MAGI2: variants seen among roughly 807,000 people sequenced by gnomAD.
The protein encoded by MAGI2 is membrane associated guanylate kinase, WW and PDZ domain containing 2.
Under a neutral mutation model 133.3 loss-of-function variants are expected in MAGI2, and 35 were observed. That is an observed-to-expected ratio of 0.26 (90% CI 0.20 to 0.35). The LOEUF (loss-of-function observed/expected upper bound fraction) is 0.35, where lower values mean the gene tolerates loss of function less well. Ranked by LOEUF, MAGI2 falls within the 10% of genes least tolerant of loss-of-function variation. The pLI is 1.00. For synonymous variants in MAGI2, 729 were observed against 710.6 expected (o/e 1.03, Z -0.41); for missense variants, 1,636 against 1,863.4 (o/e 0.88, Z 2.25).
chr7:78,050,315 C>G (rs1241389320), intron 21 of MAGI2, among the ~76,000 whole-genome samples: 2 of 152,162 alleles, frequency 1.3e-5, no homozygotes, highest in Non-Finnish European at 2.9e-5. Context: ...TGGTTTTAGG[C>G]CAATGTGATT....
chr7:78,765,343 C>CTTTTTTTTTTTT (rs10672746), intron 2 of MAGI2, among the ~76,000 whole-genome samples: 4 of 89,054 alleles, frequency 4.5e-5, no homozygotes, highest in Non-Finnish European at 5.9e-5. Context: ...TAGTGCACAT[C>CTTTTTTTTTTTT]TTTTTTTTTT....
chr7:78,080,307 T>C (rs768660708), intron 20 of MAGI2, among the ~76,000 whole-genome samples: 37 of 152,246 alleles, frequency 2.4e-4, no homozygotes, highest in Admixed American at 1.2e-3. Flanking sequence ...TTTAGAAGTA[T>C]GGATTTGGGG....
intron 15 of MAGI2, among the ~76,000 whole-genome samples, chr7:78,162,448 C>T (rs1008030901): frequency 1.3e-5 from 2 of 151,046 alleles, no homozygotes; most frequent in Admixed American, 1.3e-4. Flanking sequence ...TTGCGTGAAC[C>T]CGGGAGGCAG....
At chr7:78,970,857 A>C (rs1423756196) in intron 2 of MAGI2, among the ~76,000 whole-genome samples, 1 of 152,082 alleles carries the variant, frequency 6.6e-6, no homozygotes, top group Non-Finnish European at 1.5e-5. Context: ...GAGCCCAGAA[A>C]TCAGTCAAGC....
At chr7:79,007,065 T>C (rs375998138) in intron 2 of MAGI2, 25 bp downstream of exon 2, 3 of 1,450,996 alleles carry the variant, frequency 2.1e-6, no homozygotes, top group Non-Finnish European at 1.9e-6. Context: ...AACATAAAAA[T>C]ATTAATACTG....
At chr7:78,102,951 T>C (rs889684017) in intron 20 of MAGI2, among the ~76,000 whole-genome samples, 1 of 152,186 alleles carries the variant, frequency 6.6e-6, no homozygotes, top group Non-Finnish European at 1.5e-5. Flanking sequence ...CTGAGGATTA[T>C]CTATAATCTT....
intron 1 of MAGI2, among the ~76,000 whole-genome samples, chr7:79,438,823 T>C (rs1277179767): frequency 6.6e-6 from 1 of 152,138 alleles, no homozygotes; most frequent in Non-Finnish European, 1.5e-5. Flanking sequence ...CCAAATTTTC[T>C]CCTTTCCCCC....
intron 1 of MAGI2, among the ~76,000 whole-genome samples, chr7:79,070,240 A>C (rs981636521): frequency 6.6e-6 from 1 of 152,020 alleles, no homozygotes; most frequent in East Asian, 1.9e-4. Flanking sequence ...TTTCAGGTAC[A>C]TCAATCAAAC....
chr7:78,362,195 G>A (rs547501627), intron 7 of MAGI2, among the ~76,000 whole-genome samples: 35 of 152,056 alleles, frequency 2.3e-4, no homozygotes, highest in Admixed American at 6.6e-4. Flanking sequence ...CCAGCTACTC[G>A]GGAGGCTGTG....
intron 7 of MAGI2, among the ~76,000 whole-genome samples, chr7:78,367,940 C>T (rs1168672938): frequency 6.6e-6 from 1 of 152,044 alleles, no homozygotes; most frequent in Non-Finnish European, 1.5e-5. Flanking sequence ...GTTAGAGATA[C>T]CTCTATGTAT....
intron 10 of MAGI2, among the ~76,000 whole-genome samples, chr7:78,217,165 G>C (rs1413376637): frequency 6.6e-6 from 1 of 152,126 alleles, no homozygotes; most frequent in Non-Finnish European, 1.5e-5. Flanking sequence ...GAGGTACTGG[G>C]GGTAAGAACT....
At chr7:78,245,327 C>T (rs1244948686) in intron 10 of MAGI2, among the ~76,000 whole-genome samples, 1 of 152,156 alleles carries the variant, frequency 6.6e-6, no homozygotes, top group African/African-American at 2.4e-5. Flanking sequence ...AGGAAAAGGA[C>T]ATGATTGGCT....
chr7:78,159,460 A>G (rs1229457895), intron 16 of MAGI2, among the ~76,000 whole-genome samples: 1 of 152,178 alleles, frequency 6.6e-6, no homozygotes, highest in Non-Finnish European at 1.5e-5. Flanking sequence ...CTTAGACTAC[A>G]GTTGAGACTT....
intron 20 of MAGI2, 52 bp from the exon 21 acceptor site, chr7:78,079,137 C>T: frequency 6.5e-7 from 1 of 1,544,358 alleles, no homozygotes. Context: ...ACTCAAGTTG[C>T]ATTGTCAACA....
chr7:79,199,313 G>C (rs1490937314), intron 1 of MAGI2, among the ~76,000 whole-genome samples: 2 of 151,946 alleles, frequency 1.3e-5, no homozygotes, highest in African/African-American at 2.4e-5. Context: ...AAACAAAAAA[G>C]TTGAAAGAAT....
intron 2 of MAGI2, among the ~76,000 whole-genome samples, chr7:78,793,083 G>A (rs527892919): frequency 6.6e-6 from 1 of 152,328 alleles, no homozygotes; most frequent in East Asian, 1.9e-4. Context: ...ACTTCTGGGA[G>A]GCAGTTTTAA....
At chr7:78,738,187 G>A (rs972358252) in intron 2 of MAGI2, among the ~76,000 whole-genome samples, 2 of 151,936 alleles carry the variant, frequency 1.3e-5, no homozygotes, top group African/African-American at 4.8e-5. Context: ...AAGTCACAGA[G>A]GGCTGAAGCA....
In MAGI2 at chr7:79,294,832, C is replaced by A. The variant is rs1585464302; in HGVS notation, c.301+158188G>T. 2.0e-5 allele frequency among the ~76,000 whole-genome samples: 3 copies of A among 149,788 alleles called. No individual in the cohort carries two copies. The South Asian group carries it at 6.4e-4, about 32-fold the overall frequency. On this transcript the variant is annotated intron_variant, in intron 1 of 21. Coordinates refer to ENST00000354212, the MANE Select transcript of MAGI2 (RefSeq NM_012301.4). ...GCAAGCTCCGCCTCCCGGGTTCACG[C>A]CATTCTCCTGCCTCAGCCTTCTGAG...
chr7:78,617,135 G>A (rs1807190296), intron 3 of MAGI2: 1 of 152,060 alleles, frequency 6.6e-6, no homozygotes, highest in African/African-American at 2.4e-5. Flanking sequence ...ATCATAAAGT[G>A]ACAAAAAGGA....
Sources: gnomAD v4.1 joint callset for allele counts (sites outside exome capture counted in the v4.1 genomes callset) on GRCh38, gnomAD v4.1.1 for gene constraint, MANE v1.5 for transcripts, NCBI Gene and HGNC (gene_info 2026-07-23, HGNC 2026-07-21) for gene names.